The following RYR2 variants were observed in gnomAD, a reference collection of about 807,000 sequenced individuals.
RYR2 encodes the protein ryanodine receptor 2.
A neutral mutation model predicts 601.1 loss-of-function variants in RYR2; 227 were observed. The ratio of observed to expected loss-of-function variants is 0.38; its 90% CI spans 0.34 to 0.42. The LOEUF is 0.42. RYR2 is among the 10% of genes least tolerant of loss of function. The pLI is 1.00. For synonymous variants in RYR2, 2,223 were observed against 2,175.1 expected (o/e 1.02, Z -0.61); for missense variants, 4,646 against 6,156.5 (o/e 0.75, Z 8.21).
intron 41 of RYR2, 142 bp downstream of exon 41, chr1:237,628,222 T>A (rs959947525): frequency 3.9e-6 from 4 of 1,033,274 alleles, no homozygotes; most frequent in African/African-American, 1.6e-5. Flanking sequence ...TTCTTTTTTT[T>A]ATTTATTATT....
chr1:237,350,602 A>AT (rs1233607301), intron 3 of RYR2, among the ~76,000 whole-genome samples: 6 of 36,974 alleles, frequency 1.6e-4, no homozygotes, highest in African/African-American at 2.1e-4. Flanking sequence ...AAAAAAAAAA[A>AT]ATATATATAT....
chr1:237,608,069 T>C (rs190734279), intron 35 of RYR2, among the ~76,000 whole-genome samples: 1 of 152,324 alleles, frequency 6.6e-6, no homozygotes, highest in African/African-American at 2.4e-5. Context: ...GAGATTAAAA[T>C]TTTCATCATC....
intron 24 of RYR2, among the ~76,000 whole-genome samples, chr1:237,523,826 A>G (rs1305072496): frequency 4.6e-5 from 7 of 152,224 alleles, no homozygotes; most frequent in Admixed American, 4.6e-4. Context: ...GTTACACATC[A>G]TCAGTCAGAA....
rs181622053 is a variant in RYR2, at chr1:237,610,560, A to G, written c.4684-202A>G. Among the ~76,000 whole-genome samples the G allele has an allele frequency of 2.3e-4, 35 of 152,100 alleles. No homozygotes were observed. Among genetic ancestry groups the G allele is most frequent in the African/African-American group, 8.0e-4 (33 of 41,506 alleles). On this transcript the variant is annotated intron_variant, in intron 35 of 104. Coordinates refer to ENST00000366574, the MANE Select transcript of RYR2 (RefSeq NM_001035.3). This position sits in a 1 kb window ranked among gnomAD's most constrained non-coding sequence, Gnocchi z 4.9. Reference sequence around the variant, plus strand: ...GTTTGACTGCCCGGAAGGTGTAGGTATTCTCTCTCATAATGTATTTCCTGG... The same window carrying G: ...GTTTGACTGCCCGGAAGGTGTAGGTGTTCTCTCTCATAATGTATTTCCTGG...
chr1:237,380,759 A>G (rs573900782), intron 8 of RYR2, among the ~76,000 whole-genome samples: 33 of 151,974 alleles, frequency 2.2e-4, no homozygotes, highest in Non-Finnish European at 4.0e-4. Context: ...ATAGCCAAAA[A>G]GCAAGACCCT....
rs368200572 is a variant in RYR2, at chr1:237,456,748, A to G, written c.1612+13A>G. 156 of 1,613,100 alleles carry G rather than the reference A, an allele frequency of 9.7e-5. No homozygotes were observed. The Middle Eastern group carries it at 9.9e-4, about 10-fold the overall frequency. ...TATGAGTTGCTGGGTAAGAAGCATG[A>G]TTGGGTTCATAGCAACAGAGTTATC... On this transcript the variant is annotated intron_variant, in intron 16 of 104. Transcript: ENST00000366574.
rs12035472 is a variant in RYR2, at chr1:237,715,965, T to C, written c.10324-1233T>C. Reference sequence around the variant, plus strand: ...AGTACAAATTATTCATCATATTTTTTCTAATAAACTTACTGAGAATAATCT... The same window carrying C: ...AGTACAAATTATTCATCATATTTTTCCTAATAAACTTACTGAGAATAATCT... On this transcript the variant is annotated intron_variant, in intron 71 of 104. Coordinates refer to ENST00000366574, the MANE Select transcript of RYR2 (RefSeq NM_001035.3). Among the ~76,000 whole-genome samples, 4 of 152,266 alleles carry C rather than the reference T, an allele frequency of 2.6e-5. No individual in the cohort carries two copies. In the East Asian group the frequency reaches 7.7e-4, roughly 29 times the overall value.
At chr1:237,440,735 G>A (rs2927928) in intron 12 of RYR2, among the ~76,000 whole-genome samples, 110,600 of 152,016 alleles carry the variant, frequency 0.73, 40,669 homozygotes, top group African/African-American at 0.82. Flanking sequence ...ATTAACAATC[G>A]TTGTCACCGT....
At chr1:237,398,320 A>G (rs867907237) in intron 10 of RYR2, among the ~76,000 whole-genome samples, 4 of 152,150 alleles carry the variant, frequency 2.6e-5, no homozygotes, top group Non-Finnish European at 5.9e-5. Context: ...CCACGTGGAG[A>G]GGGTAAAAAG....
chr1:237,623,950 G>A, intron 39 of RYR2, 80 bp downstream of exon 39: 1 of 914,970 alleles, frequency 1.1e-6, no homozygotes, highest in Non-Finnish European at 1.8e-6. Context: ...AAGTGTATAT[G>A]CGAATATTTT....
intron 29 of RYR2, among the ~76,000 whole-genome samples, chr1:237,582,735 G>T (rs1674063324): frequency 7.1e-6 from 1 of 141,404 alleles, no homozygotes; most frequent in Non-Finnish European, 1.5e-5. Flanking sequence ...TGTAGCTGCA[G>T]AGGACATGAT....
intron 8 of RYR2, among the ~76,000 whole-genome samples, chr1:237,384,649 T>G (rs948055007): frequency 5.3e-5 from 8 of 152,218 alleles, no homozygotes; most frequent in African/African-American, 1.9e-4. Context: ...TTCACATTAC[T>G]AATCTACATA....
intron 42 of RYR2, among the ~76,000 whole-genome samples, chr1:237,633,116 A>G (rs938486411): frequency 1.2e-4 from 19 of 152,162 alleles, no homozygotes; most frequent in Non-Finnish European, 2.5e-4. Flanking sequence ...ATTAATACTG[A>G]TAAGAACATC....
chr1:237,403,733 T>C (rs1326076617), intron 10 of RYR2, among the ~76,000 whole-genome samples: 1 of 152,158 alleles, frequency 6.6e-6, no homozygotes, highest in Non-Finnish European at 1.5e-5. Context: ...GACCTAGTAA[T>C]ACTTTTAGAC....
intron 47 of RYR2, among the ~76,000 whole-genome samples, chr1:237,641,487 T>G (rs866655641): frequency 1.5e-5 from 1 of 68,242 alleles, no homozygotes; most frequent in Non-Finnish European, 3.9e-5. Context: ...CTTTCTTTCT[T>G]TCTTTCTTTC....
chr1:237,681,833 C>T (rs1355435875), intron 62 of RYR2, among the ~76,000 whole-genome samples: 2 of 152,102 alleles, frequency 1.3e-5, no homozygotes, highest in Non-Finnish European at 2.9e-5. Flanking sequence ...TGTGAGTGCA[C>T]GCAAGTAGCT....
chr1:237,334,687 G>A (rs1026896994), intron 3 of RYR2, among the ~76,000 whole-genome samples: 4 of 152,190 alleles, frequency 2.6e-5, no homozygotes, highest in East Asian at 1.9e-4. Flanking sequence ...TTCTCTGGGC[G>A]TCTGCCTATG....
At chr1:237,552,951 C>A (rs1670551108) in intron 27 of RYR2, among the ~76,000 whole-genome samples, 1 of 151,860 alleles carries the variant, frequency 6.6e-6, no homozygotes, top group South Asian at 2.1e-4. Flanking sequence ...TTTTTGTTGG[C>A]CTTTTTACTG....
intron 1 of RYR2, among the ~76,000 whole-genome samples, chr1:237,164,228 A>G (rs955125917): frequency 3.3e-5 from 5 of 152,240 alleles, no homozygotes; most frequent in Non-Finnish European, 7.3e-5. Flanking sequence ...CAGAGGTTGC[A>G]GTGAGCCGAG....
Sources: gnomAD v4.1 joint callset for allele counts (sites outside exome capture counted in the v4.1 genomes callset) on GRCh38, gnomAD v4.1.1 for gene constraint, Gnocchi (gnomAD v3.1) non-coding constraint, MANE v1.5 for transcripts, NCBI Gene and HGNC (gene_info 2026-07-23, HGNC 2026-07-21) for gene names.